Variants in JADE2 observed in about 807,000 individuals in gnomAD.
JADE2 encodes jade family PHD finger 2.
A neutral mutation model predicts 85.7 loss-of-function variants in JADE2; 13 were observed. The ratio of observed to expected loss-of-function variants is 0.15; its 90% CI spans 0.10 to 0.24. JADE2 has a LOEUF of 0.24. Among genes scored for constraint, JADE2 ranks in the 10% least tolerant of loss-of-function variants. The pLI is 1.00. For synonymous variants in JADE2, 440 were observed against 456.1 expected (o/e 0.96, Z 0.45); for missense variants, 846 against 1,115.9 (o/e 0.76, Z 3.45).
chr5:134,554,542 G>A (rs1401765779), intron 4 of JADE2, among the ~76,000 whole-genome samples: 2 of 152,220 alleles, frequency 1.3e-5, no homozygotes, highest in Non-Finnish European at 2.9e-5. Flanking sequence ...GCTTCAGTCT[G>A]CCTGTAGGGT....
At chr5:134,538,683 A>G (rs1025977754) in intron 3 of JADE2, among the ~76,000 whole-genome samples, 1 of 151,668 alleles carries the variant, frequency 6.6e-6, no homozygotes, top group African/African-American at 2.4e-5. Flanking sequence ...GGACACCTGG[A>G]CCCTCCTTCT....
intron 8 of JADE2, among the ~76,000 whole-genome samples, 186 bp downstream of exon 8, chr5:134,564,796 C>A (rs780528985): frequency 2.6e-5 from 4 of 152,180 alleles, no homozygotes; most frequent in Non-Finnish European, 4.4e-5. Context: ...ATCCCCTGGT[C>A]TTCTAGGGAG....
chr5:134,559,801 C>T (rs1320832652), intron 4 of JADE2, 29 bp from the exon 5 acceptor site: 1 of 1,596,826 alleles, frequency 6.3e-7, no homozygotes, highest in Non-Finnish European at 8.5e-7. Flanking sequence ...GGGCCCCTCC[C>T]TTCATGACAT....
intron 3 of JADE2, among the ~76,000 whole-genome samples, chr5:134,546,540 G>A (rs1196281336): frequency 1.3e-5 from 2 of 152,130 alleles, no homozygotes; most frequent in Admixed American, 1.3e-4. Flanking sequence ...GGCTGAGGTG[G>A]GTGGATCACT....
intron 8 of JADE2, 83 bp downstream of exon 8, chr5:134,564,693 T>G: frequency 1.2e-6 from 1 of 856,184 alleles, no homozygotes; most frequent in Non-Finnish European, 1.8e-6. Flanking sequence ...GCCACCACCT[T>G]CTCCCCTCCA....
chr5:134,561,720 C>CA (rs1160147429), intron 6 of JADE2, among the ~76,000 whole-genome samples: 1 of 152,174 alleles, frequency 6.6e-6, no homozygotes, highest in Non-Finnish European at 1.5e-5. Context: ...CTCATATAAA[C>CA]AAACACATCC....
At chr5:134,526,369 C>T in intron 1 of JADE2, 1 of 985,044 alleles carries the variant, frequency 1.0e-6, no homozygotes, top group African/African-American at 1.7e-5. Flanking sequence ...CGGGGGCGCG[C>T]CAGGGCTGCA....
chr5:134,553,861 G>T (rs913241779), intron 4 of JADE2, among the ~76,000 whole-genome samples: 4 of 152,216 alleles, frequency 2.6e-5, no homozygotes, highest in African/African-American at 9.6e-5. Flanking sequence ...CTCTTGTCAG[G>T]AGGAGGCCAC....
chr5:134,553,344 T>C (rs1762711575), intron 4 of JADE2, among the ~76,000 whole-genome samples: 1 of 140,756 alleles, frequency 7.1e-6, no homozygotes, highest in Admixed American at 7.6e-5. Flanking sequence ...CATGCTTTTT[T>C]TTTTCTTTTA....
At chr5:134,565,530 A>G (rs779897815) in intron 8 of JADE2, among the ~76,000 whole-genome samples, 20 of 152,164 alleles carry the variant, frequency 1.3e-4, no homozygotes, top group Non-Finnish European at 2.6e-4. Flanking sequence ...TGTGATGCCA[A>G]AGTCATTTTG....
chr5:134,556,233 G>A (rs1474286695), intron 4 of JADE2, among the ~76,000 whole-genome samples: 1 of 152,218 alleles, frequency 6.6e-6, no homozygotes, highest in Non-Finnish European at 1.5e-5. Flanking sequence ...GCCAGATGGA[G>A]GCCAGGCTCC....
chr5:134,550,620 A>G (rs1230022922), intron 3 of JADE2, among the ~76,000 whole-genome samples: 1 of 152,196 alleles, frequency 6.6e-6, no homozygotes, highest in East Asian at 1.9e-4. Flanking sequence ...TCACTGGGAA[A>G]GTTGGTACCT....
intron 1 of JADE2, 86 bp downstream of exon 1, chr5:134,526,097 G>C (rs1760791791): frequency 1.0e-6 from 1 of 983,792 alleles, no homozygotes. Flanking sequence ...AGCGCTCTTC[G>C]CTCCCTCGCT....
intron 11 of JADE2, chr5:134,577,141 C>T (rs965421472): frequency 1.4e-4 from 65 of 458,492 alleles, no homozygotes; most frequent in African/African-American, 1.2e-3. Context: ...GGGCCACGCC[C>T]ACTCAGGAAC....
At chr5:134,574,179 G>C in intron 10 of JADE2, 1 of 287,962 alleles carries the variant, frequency 3.5e-6, no homozygotes, top group South Asian at 3.3e-5. Flanking sequence ...GAAGGCAGCT[G>C]TCCCAGAGAT....
chr5:134,579,280 C>A lies in JADE2; in HGVS notation c.2468C>A (p.Ala823Glu). ...CAGCGGGGTCCCCGGGAGGCAGGGGCAGAGGAGGTGGTCCGCATGGGCGTA... is the reference window on the plus strand; with the variant it reads ...CAGCGGGGTCCCCGGGAGGCAGGGGAAGAGGAGGTGGTCCGCATGGGCGTA... ...GVQRGPREAG[A>E]EEVVRMGVLA... The change falls in exon 12 of 12, where the codon GCA (alanine) becomes GAA (glutamate). Residue 823 changes from alanine to glutamate, a missense_variant. This residue lies in a region of JADE2 where 300 missense variants were observed against 300.7 expected (regional missense o/e 1.00). Transcript: ENST00000681547. The surrounding 1 kb of genome is among the most constrained non-coding windows in gnomAD (Gnocchi z 4.6). 6.2e-7 allele frequency: 1 copy of A among 1,612,664 alleles called. No homozygotes were observed. Among genetic ancestry groups the A allele is most frequent in the Non-Finnish European group, 8.5e-7 (1 of 1,179,596 alleles).
At position 134,578,832 on chromosome 5, in the gene JADE2, G is replaced by A; in HGVS notation, c.2020G>A (p.Gly674Ser). 6.2e-7 allele frequency: 1 copy of A among 1,613,768 alleles called. No homozygotes were observed. Among genetic ancestry groups the A allele is most frequent in the Non-Finnish European group, 8.5e-7 (1 of 1,180,016 alleles). Residue 674 changes from glycine (G) to serine (S), a missense_variant, in exon 12 of 12, where the codon GGC becomes AGC. Physicochemically the swap from Gly to Ser is moderately conservative, Grantham distance 56. Coordinates refer to ENST00000681547, the MANE Select transcript of JADE2 (RefSeq NM_001388185.1). This position sits in a 1 kb window ranked among gnomAD's most constrained non-coding sequence, Gnocchi z 4.4. Reference protein sequence around the residue: ...TPDKAPKKTWGQDAGSGKGGQ... With the variant: ...TPDKAPKKTWSQDAGSGKGGQ... ...AGACAAAGCCCCCAAGAAGACCTGG[G>A]GCCAGGATGCAGGCAGTGGCAAGGG...
chr5:134,526,111 T>C (rs1168724837), intron 1 of JADE2, 100 bp downstream of exon 1: 1 of 984,890 alleles, frequency 1.0e-6, no homozygotes, highest in South Asian at 4.7e-5. Flanking sequence ...CCTCGCTCTC[T>C]CTTGCTCGCT....
At chr5:134,525,091 A>C (rs1025930346), upstream of JADE2, among the ~76,000 whole-genome samples, 3 of 151,672 alleles carry the variant, frequency 2.0e-5, no homozygotes, top group Admixed American at 2.0e-4. Flanking sequence ...CGTCTTTTTG[A>C]CGCAGGGAGA....
Sources: gnomAD v4.1 joint callset for allele counts (sites outside exome capture counted in the v4.1 genomes callset) on GRCh38, gnomAD v4.1.1 for gene constraint, gnomAD v4.1.1 regional missense constraint, Gnocchi (gnomAD v3.1) non-coding constraint, MANE v1.5 for transcripts, NCBI Gene and HGNC (gene_info 2026-07-23, HGNC 2026-07-21) for gene names.